Variants in CDH12 observed in about 807,000 individuals in gnomAD.
CDH12 encodes the protein cadherin-12.
A neutral mutation model predicts 74.1 loss-of-function variants in CDH12; 41 were observed. That is an observed-to-expected ratio of 0.55 (90% CI 0.43 to 0.72). The LOEUF (loss-of-function observed/expected upper bound fraction) is 0.72, where lower values mean the gene tolerates loss of function less well. Ranked by LOEUF, CDH12 falls within the 30% of genes least tolerant of loss-of-function variation. CDH12 has a pLI of 0.00. For synonymous variants in CDH12, 399 were observed against 355.0 expected (o/e 1.12, Z -1.39); for missense variants, 945 against 977.2 (o/e 0.97, Z 0.44).
chr5:22,400,330 A>G (rs1742675114), intron 3 of CDH12, among the ~76,000 whole-genome samples: 2 of 152,166 alleles, frequency 1.3e-5, no homozygotes, highest in African/African-American at 4.8e-5. Context: ...AGGACTGTAT[A>G]TTATATAGGG....
chr5:22,280,138 C>A lies in CDH12; in HGVS notation c.-332-67495G>T, dbSNP rs527343734. Reference sequence around the variant, plus strand: ...TTCTCTGATGTCCAGTAATGATGAGCATTTTTTTATGTGTCTGTTGGCTGC... The same window carrying A: ...TTCTCTGATGTCCAGTAATGATGAGAATTTTTTTATGTGTCTGTTGGCTGC... On this transcript the variant is annotated intron_variant, in intron 3 of 14. Transcript: ENST00000382254. 4.1e-4 allele frequency among the ~76,000 whole-genome samples: 62 copies of A among 152,216 alleles called. 1 individual carries two copies. Among genetic ancestry groups the A allele is most frequent in the African/African-American group, 1.4e-3 (57 of 41,512 alleles).
intron 4 of CDH12, among the ~76,000 whole-genome samples, chr5:22,166,282 G>C (rs1748677230): frequency 6.6e-6 from 1 of 152,112 alleles, no homozygotes; most frequent in Non-Finnish European, 1.5e-5. Context: ...CCTGGAAGAG[G>C]ACCTAGTTAG....
chr5:22,804,755 C>T (rs140227747), intron 1 of CDH12, among the ~76,000 whole-genome samples: 2 of 152,180 alleles, frequency 1.3e-5, no homozygotes, highest in Admixed American at 6.6e-5. Flanking sequence ...TTATTGATTA[C>T]ACAATCAGTA....
chr5:21,752,238 T>A lies in CDH12; in HGVS notation c.1886-2A>T, dbSNP rs199934242. On this transcript the variant is annotated splice_acceptor_variant, in intron 14 of 14. Coordinates refer to ENST00000382254, the MANE Select transcript of CDH12 (RefSeq NM_004061.5). LOFTEE classifies it high-confidence loss of function. ...GTGCTACATACAGTACAACTATGGCTGGAACAAGACAAAAATTGCAATTTG... is the reference window on the plus strand; with the variant it reads ...GTGCTACATACAGTACAACTATGGCAGGAACAAGACAAAAATTGCAATTTG... The A allele has an allele frequency of 1.5e-5, 23 of 1,575,056 alleles. No individual in the cohort carries two copies. In the East Asian group the frequency reaches 5.2e-4, roughly 36 times the overall value.
intron 3 of CDH12, among the ~76,000 whole-genome samples, chr5:22,252,443 T>C (rs1470751231): frequency 2.0e-5 from 3 of 152,034 alleles, no homozygotes; most frequent in Non-Finnish European, 1.5e-5. Context: ...ACTTGCTTTG[T>C]GGAATAAAAA....
chr5:22,271,663 G>T (rs935737538), intron 3 of CDH12, among the ~76,000 whole-genome samples: 1 of 152,146 alleles, frequency 6.6e-6, no homozygotes, highest in African/African-American at 2.4e-5. Context: ...ATACTCTTTG[G>T]TCTTTGGGCT....
At chr5:22,379,827 C>T (rs1308323704) in intron 3 of CDH12, among the ~76,000 whole-genome samples, 1 of 152,164 alleles carries the variant, frequency 6.6e-6, no homozygotes, top group African/African-American at 2.4e-5. Context: ...TTCATCAGTT[C>T]ACTGCAGCCT....
intron 1 of CDH12, among the ~76,000 whole-genome samples, chr5:22,731,130 T>C (rs1482515976): frequency 6.6e-6 from 1 of 151,844 alleles, no homozygotes; most frequent in Non-Finnish European, 1.5e-5. Flanking sequence ...TAAAATCCTC[T>C]GTCTGACTTT....
chr5:22,255,474 G>A (rs1327606671), intron 3 of CDH12, among the ~76,000 whole-genome samples: 1 of 151,302 alleles, frequency 6.6e-6, no homozygotes, highest in African/African-American at 2.4e-5. Flanking sequence ...TTAGCCATGT[G>A]GCTCTTATTT....
At chr5:22,182,647 C>A (rs552034266) in intron 4 of CDH12, among the ~76,000 whole-genome samples, 1 of 152,088 alleles carries the variant, frequency 6.6e-6, no homozygotes, top group Non-Finnish European at 1.5e-5. Context: ...TTTTAGGAGG[C>A]TATATTAATA....
chr5:22,306,735 A>AAAT (rs1302891539), intron 3 of CDH12, among the ~76,000 whole-genome samples: 2 of 152,142 alleles, frequency 1.3e-5, no homozygotes, highest in African/African-American at 4.8e-5. Flanking sequence ...ACCTGTTTTT[A>AAAT]AAGTTTTTAG....
At chr5:22,044,314 A>G (rs1311187194) in intron 5 of CDH12, among the ~76,000 whole-genome samples, 1 of 152,214 alleles carries the variant, frequency 6.6e-6, no homozygotes, top group Non-Finnish European at 1.5e-5. Context: ...TGGGTAATTT[A>G]TAAACAAAAG....
intron 1 of CDH12, among the ~76,000 whole-genome samples, chr5:22,801,882 G>C (rs1184671697): frequency 6.6e-6 from 1 of 150,970 alleles, no homozygotes; most frequent in Non-Finnish European, 1.5e-5. Flanking sequence ...CTAAAAAATT[G>C]TTATTCATTT....
chr5:22,299,370 G>C (rs1561293978), intron 3 of CDH12, among the ~76,000 whole-genome samples: 1 of 152,036 alleles, frequency 6.6e-6, no homozygotes, highest in Non-Finnish European at 1.5e-5. Flanking sequence ...AATGCTTTGT[G>C]GCAAAGAAGA....
At chr5:21,785,086 A>C (rs1746127390) in intron 10 of CDH12, among the ~76,000 whole-genome samples, 1 of 78,004 alleles carries the variant, frequency 1.3e-5, no homozygotes, top group South Asian at 4.1e-4. Flanking sequence ...CTTTTTAATT[A>C]ATATTATAAC....
chr5:22,807,723 T>C (rs1326260869), intron 1 of CDH12, among the ~76,000 whole-genome samples: 1 of 152,188 alleles, frequency 6.6e-6, no homozygotes, highest in Non-Finnish European at 1.5e-5. Context: ...AGTACTTGTG[T>C]ATATAAACAT....
chr5:22,822,697 C>A (rs1749772190), intron 1 of CDH12, among the ~76,000 whole-genome samples: 1 of 152,104 alleles, frequency 6.6e-6, no homozygotes, highest in African/African-American at 2.4e-5. Flanking sequence ...CATCTCACAC[C>A]AGTCAGAATG....
intron 1 of CDH12, among the ~76,000 whole-genome samples, chr5:22,794,502 C>T (rs1171788310): frequency 1.3e-5 from 2 of 152,200 alleles, no homozygotes; most frequent in Non-Finnish European, 2.9e-5. Context: ...GTACGATGAT[C>T]TGCTTACCTA....
At chr5:22,553,756 G>A (rs563312774) in intron 1 of CDH12, among the ~76,000 whole-genome samples, 14 of 152,134 alleles carry the variant, frequency 9.2e-5, no homozygotes, top group Admixed American at 2.0e-4. Context: ...CCAGTTTCAC[G>A]GAAGACAATT....
Sources: gnomAD v4.1 joint callset for allele counts (sites outside exome capture counted in the v4.1 genomes callset) on GRCh38, gnomAD v4.1.1 for gene constraint, MANE v1.5 for transcripts, NCBI Gene and HGNC (gene_info 2026-07-23, HGNC 2026-07-21) for gene names.